Variants in SPOCK1 observed in about 807,000 individuals in gnomAD.
The protein encoded by SPOCK1 is testican-1.
A neutral mutation model predicts 55.3 loss-of-function variants in SPOCK1; 23 were observed. The ratio of observed to expected loss-of-function variants is 0.42; its 90% CI spans 0.30 to 0.59. The LOEUF is 0.59. Ranked by LOEUF, SPOCK1 falls within the 20% of genes least tolerant of loss-of-function variation. The pLI is 0.22. For missense variants in SPOCK1, 499 were observed against 552.5 expected, an observed-to-expected ratio of 0.90 and a Z score of 0.97; for synonymous variants, 226 against 221.0, an observed-to-expected ratio of 1.02 and a Z score of -0.20.
At chr5:137,445,750 G>T (rs1050780060) in intron 2 of SPOCK1, among the ~76,000 whole-genome samples, 1 of 152,160 alleles carries the variant, frequency 6.6e-6, no homozygotes, top group Non-Finnish European at 1.5e-5. Flanking sequence ...GTAAAGAGAA[G>T]GCAACTGACA....
intron 2 of SPOCK1, among the ~76,000 whole-genome samples, chr5:137,346,011 G>A (rs1278327246): frequency 2.0e-5 from 3 of 152,204 alleles, no homozygotes; most frequent in Admixed American, 1.3e-4. Context: ...TCGGAAAAGC[G>A]AAGCAGCTGC....
At chr5:137,109,726 C>T (rs964570430) in intron 5 of SPOCK1, among the ~76,000 whole-genome samples, 1 of 152,182 alleles carries the variant, frequency 6.6e-6, no homozygotes, top group Non-Finnish European at 1.5e-5. Context: ...TGACTTACTG[C>T]ACTGGCCCAT....
intron 2 of SPOCK1, among the ~76,000 whole-genome samples, chr5:137,312,425 A>G (rs190905459): frequency 1.4e-4 from 21 of 152,320 alleles, no homozygotes; most frequent in Admixed American, 4.6e-4. Context: ...AAAGCAAAAA[A>G]TTGCTGAGGC....
chr5:137,139,401 A>G (rs1580771794), intron 4 of SPOCK1, among the ~76,000 whole-genome samples: 1 of 152,162 alleles, frequency 6.6e-6, no homozygotes, highest in Admixed American at 6.5e-5. Flanking sequence ...AGGCACATTC[A>G]GAGGAAACCA....
At chr5:137,130,561 G>A (rs572448414) in intron 4 of SPOCK1, among the ~76,000 whole-genome samples, 10 of 152,340 alleles carry the variant, frequency 6.6e-5, no homozygotes, top group Non-Finnish European at 1.2e-4. Context: ...ATTCAGAGAT[G>A]GCCTCCCTGG....
chr5:137,086,067 G>A (rs970068728), intron 5 of SPOCK1, among the ~76,000 whole-genome samples: 2 of 152,144 alleles, frequency 1.3e-5, no homozygotes, highest in African/African-American at 4.8e-5. Context: ...AGTATTTAGC[G>A]CAGGGACTCC....
intron 9 of SPOCK1, among the ~76,000 whole-genome samples, chr5:136,982,012 C>T (rs1750741374): frequency 6.6e-6 from 1 of 152,110 alleles, no homozygotes; most frequent in African/African-American, 2.4e-5. Flanking sequence ...AAATAATTCC[C>T]ATTGTGTTAC....
At chr5:137,077,466 C>T (rs1369287700) in intron 5 of SPOCK1, among the ~76,000 whole-genome samples, 1 of 152,202 alleles carries the variant, frequency 6.6e-6, no homozygotes, top group Non-Finnish European at 1.5e-5. Flanking sequence ...CAAATACAAC[C>T]CTTGCTTGTC....
chr5:137,303,078 T>C (rs1319899686), intron 2 of SPOCK1, among the ~76,000 whole-genome samples: 1 of 152,160 alleles, frequency 6.6e-6, no homozygotes, highest in East Asian at 1.9e-4. Context: ...GCAAACTGAA[T>C]TGGAAGAATC....
chr5:137,421,030 A>G (rs577335199), intron 2 of SPOCK1, among the ~76,000 whole-genome samples: 1 of 152,132 alleles, frequency 6.6e-6, no homozygotes, highest in Non-Finnish European at 1.5e-5. Flanking sequence ...GAACCTCTTT[A>G]TTTCTGCCTT....
intron 2 of SPOCK1, among the ~76,000 whole-genome samples, chr5:137,349,903 T>C (rs974465030): frequency 6.6e-6 from 1 of 152,176 alleles, no homozygotes; most frequent in Non-Finnish European, 1.5e-5. Flanking sequence ...TTCCAAATTC[T>C]GAGGTACTGG....
At chr5:136,992,372 A>G in intron 7 of SPOCK1, 112 bp downstream of exon 7, 1 of 845,846 alleles carries the variant, frequency 1.2e-6, no homozygotes. Context: ...GACATATTTA[A>G]AGTCAAAGTA....
intron 6 of SPOCK1, among the ~76,000 whole-genome samples, chr5:137,061,827 T>C (rs1244406186): frequency 1.3e-5 from 2 of 152,168 alleles, no homozygotes; most frequent in African/African-American, 2.4e-5. Context: ...CTCTGCCTGA[T>C]GGTTAATACT....
chr5:137,276,374 C>T (rs1188558902), intron 2 of SPOCK1, among the ~76,000 whole-genome samples: 5 of 152,224 alleles, frequency 3.3e-5, no homozygotes, highest in Admixed American at 1.3e-4. Context: ...TCCCTCTGCA[C>T]TCGAGACACC....
chr5:137,235,101 C>T (rs1756151716), intron 3 of SPOCK1, among the ~76,000 whole-genome samples: 1 of 152,216 alleles, frequency 6.6e-6, no homozygotes, highest in African/African-American at 2.4e-5. Flanking sequence ...GGGGCTGAAT[C>T]ATTGGCAAAG....
chr5:137,059,584 C>T (rs545472560), intron 6 of SPOCK1, among the ~76,000 whole-genome samples: 1 of 152,038 alleles, frequency 6.6e-6, no homozygotes, highest in Non-Finnish European at 1.5e-5. Context: ...GCAACAAAAA[C>T]AAAAATTGAC....
rs549527719 is a variant in SPOCK1 at position 137,468,198 on chromosome 5, T to G, written c.186+30175A>C. On this transcript the variant is annotated intron_variant, in intron 2 of 10. Coordinates refer to ENST00000394945, the MANE Select transcript of SPOCK1 (RefSeq NM_004598.4). ...TCTTTAAACTCAATCAATTTTTACA[T>G]GAGTAATGCTACTTAGTGACTCCTG... 2.0e-5 allele frequency among the ~76,000 whole-genome samples: 3 copies of G among 152,298 alleles called. No individual in the cohort carries two copies. In the East Asian group the frequency reaches 5.8e-4, roughly 29 times the overall value.
intron 2 of SPOCK1, among the ~76,000 whole-genome samples, chr5:137,327,055 T>A (rs1366967781): frequency 3.9e-5 from 6 of 152,208 alleles, no homozygotes; most frequent in African/African-American, 1.4e-4. Context: ...ACAGAACTTT[T>A]TGAAAAGCCC....
At chr5:137,173,572 A>G (rs1028744004) in intron 3 of SPOCK1, among the ~76,000 whole-genome samples, 3 of 152,246 alleles carry the variant, frequency 2.0e-5, no homozygotes, top group African/African-American at 7.2e-5. Context: ...TTCAAAAACA[A>G]AAACTAAACA....
Sources: allele counts gnomAD v4.1 joint callset (sites outside exome capture counted in the v4.1 genomes callset), GRCh38; gene constraint gnomAD v4.1.1; transcripts MANE v1.5; gene names NCBI Gene and HGNC (gene_info 2026-07-23, HGNC 2026-07-21).